Variants in LAMC3 observed in about 807,000 individuals in gnomAD.
LAMC3 encodes the protein laminin subunit gamma-3.
LAMC3 carries 128 observed loss-of-function variants against 173.8 expected under a neutral mutation model. That is an observed-to-expected ratio of 0.74 (90% CI 0.64 to 0.85). LAMC3 has a LOEUF of 0.85. LAMC3 is among the 40% of genes least tolerant of loss of function. The pLI, the probability that LAMC3 is intolerant of heterozygous loss-of-function variation, is 0.00. For synonymous variants in LAMC3, 897 were observed against 909.1 expected (o/e 0.99, Z 0.24); for missense variants, 2,022 against 2,156.0 (o/e 0.94, Z 1.23).
At chr9:131,064,430 G>A (rs907586674) in intron 13 of LAMC3, among the ~76,000 whole-genome samples, 11 of 152,112 alleles carry the variant, frequency 7.2e-5, no homozygotes, top group African/African-American at 2.7e-4. Flanking sequence ...TTGGGAGGCT[G>A]AGGCGGGCAG....
chr9:131,031,831 G>T (rs1257608163), intron 2 of LAMC3, among the ~76,000 whole-genome samples: 1 of 152,188 alleles, frequency 6.6e-6, no homozygotes. Context: ...ACTGAATGCA[G>T]TTGCACTAAT....
At chr9:131,069,342 A>G (rs956784990) in intron 16 of LAMC3, among the ~76,000 whole-genome samples, 2 of 152,070 alleles carry the variant, frequency 1.3e-5, no homozygotes, top group African/African-American at 4.8e-5. Flanking sequence ...GTAGTCCCAG[A>G]CGCGCTGTTA....
At chr9:131,090,132 C>T (rs1830398349) in intron 27 of LAMC3, among the ~76,000 whole-genome samples, 1 of 152,166 alleles carries the variant, frequency 6.6e-6, no homozygotes, top group Non-Finnish European at 1.5e-5. Context: ...CAGGGTCCCA[C>T]AGCCAGTCGG....
chr9:131,058,894 G>GAA lies in LAMC3; in HGVS notation c.2158+1752_2158+1753dup, dbSNP rs748695258. 9.8e-3 allele frequency among the ~76,000 whole-genome samples: 1,169 copies of GAA among 119,336 alleles called. 40 individuals are homozygous for GAA. The highest frequency in any genetic ancestry group is 0.035 in the African/African-American group (1,097 of 31,742). 78.3% of individuals were successfully genotyped at this position (119,336 alleles called of 152,430 possible). A position where few individuals can be genotyped will look rare whatever the true frequency, so the allele number is the denominator to read the frequency against. ...GGGTGACAAGAGCAAGACTCCAGAG[G>GAA]AAAAAAGAAAAAAAAAAAGAAGAGG... is the stretch of plus-strand genomic sequence containing the variant. On this transcript the variant is annotated intron_variant, in intron 12 of 27. Transcript: ENST00000361069.
In LAMC3 at chr9:131,074,721, C is replaced by T. The variant is rs368216613; in HGVS notation, c.3495-1110C>T. ...AAAGAAAAAAAAAAAAAAAAAGACG[C>T]AGCTTAAGATCCTAAAAACACAGGA... is the stretch of plus-strand genomic sequence containing the variant. On this transcript the variant is annotated intron_variant, in intron 20 of 27. Transcript: ENST00000361069. Among the ~76,000 whole-genome samples, 306 of 149,686 alleles carry T rather than the reference C, an allele frequency of 2.0e-3. 1 individual carries two copies. The highest frequency in any genetic ancestry group is 7.2e-3 in the African/African-American group (293 of 40,738).
chr9:131,082,172 C>T lies in LAMC3; in HGVS notation c.4030+11C>T, dbSNP rs959922358. 1.3e-6 allele frequency: 2 copies of T among 1,593,188 alleles called. No homozygotes were observed. The highest frequency in any genetic ancestry group is 2.2e-5 in the South Asian group (2 of 90,122). On this transcript the variant is annotated intron_variant, in intron 24 of 27. Coordinates refer to ENST00000361069, the MANE Select transcript of LAMC3 (RefSeq NM_006059.4). ...TGGCTGATCTGGAAGGTACGTGAGT[C>T]CAGCTGACCACTAGGCTGTGTAATG... is the stretch of plus-strand genomic sequence containing the variant.
chr9:131,009,751 T>C lies in LAMC3; in HGVS notation c.373+164T>C, dbSNP rs1487119618. ...TAGGAATTAGGCTGGGTGCGGTGGCTCACTCCTGAAATCCCAGCACTTTGG... is the reference window on the plus strand; with the variant it reads ...TAGGAATTAGGCTGGGTGCGGTGGCCCACTCCTGAAATCCCAGCACTTTGG... On this transcript the variant is annotated intron_variant, in intron 1 of 27. Transcript: ENST00000361069. The surrounding 1 kb of genome is among the most constrained non-coding windows in gnomAD (Gnocchi z 4.3). Among the ~76,000 whole-genome samples, 1 of 152,058 alleles carries C rather than the reference T, an allele frequency of 6.6e-6. No homozygotes were observed. The highest frequency in any genetic ancestry group is 1.5e-5 in the Non-Finnish European group (1 of 67,990).
chr9:131,086,391 TTTTG>T (rs1210346557), intron 25 of LAMC3, among the ~76,000 whole-genome samples: 5 of 38,886 alleles, frequency 1.3e-4, no homozygotes, highest in African/African-American at 2.0e-4. Context: ...GGGTTTTTGG[TTTTG>T]TTTTTTTTTT....
At chr9:131,090,207 G>C (rs1194156948) in intron 27 of LAMC3, among the ~76,000 whole-genome samples, 1 of 152,150 alleles carries the variant, frequency 6.6e-6, no homozygotes, top group Non-Finnish European at 1.5e-5. Context: ...GCCACTAGTC[G>C]ACACCTAAGG....
At chr9:131,027,464 C>T (rs1002094650) in intron 2 of LAMC3, among the ~76,000 whole-genome samples, 2 of 152,186 alleles carry the variant, frequency 1.3e-5, no homozygotes, top group Non-Finnish European at 2.9e-5. Context: ...CTGGGTCCCA[C>T]GCTGTAAGTC....
intron 11 of LAMC3, among the ~76,000 whole-genome samples, chr9:131,056,542 C>A (rs1834409025): frequency 6.7e-6 from 1 of 149,036 alleles, no homozygotes. Flanking sequence ...CACATGCAAT[C>A]CCAGCACTTT....
intron 13 of LAMC3, among the ~76,000 whole-genome samples, chr9:131,062,178 C>T (rs1349692791): frequency 3.3e-5 from 5 of 151,928 alleles, no homozygotes; most frequent in Admixed American, 6.6e-5. Context: ...CTGGCTAACA[C>T]GGTGAAACCC....
intron 1 of LAMC3, among the ~76,000 whole-genome samples, chr9:131,016,173 C>T (rs1008926337): frequency 3.3e-5 from 5 of 152,032 alleles, no homozygotes; most frequent in Admixed American, 2.6e-4. Context: ...TGTAGGGTTC[C>T]GCTGATATGA....
chr9:131,054,068 C>G (rs555593347), intron 11 of LAMC3, among the ~76,000 whole-genome samples: 3 of 152,090 alleles, frequency 2.0e-5, no homozygotes, highest in African/African-American at 7.2e-5. Flanking sequence ...AAGCTGAGCT[C>G]TAGGCTCAGA....
At position 131,029,562 on chromosome 9, in the gene LAMC3, G is replaced by A. The variant is rs904696538; in HGVS notation, c.679-2483G>A. Among the ~76,000 whole-genome samples the A allele has an allele frequency of 6.6e-6, 1 of 152,242 alleles. No individual in the cohort carries two copies. The highest frequency in any genetic ancestry group is 1.5e-5 in the Non-Finnish European group (1 of 68,046). ...CTTCTGGACAGAAACCAAGAGCAGA[G>A]CAGGACAAAGAGAGGCAAGTCTACC... On this transcript the variant is annotated intron_variant, in intron 2 of 27. Coordinates refer to ENST00000361069, the MANE Select transcript of LAMC3 (RefSeq NM_006059.4). This position sits in a 1 kb window ranked among gnomAD's most constrained non-coding sequence, Gnocchi z 4.6.
chr9:131,046,050 C>T (rs1834148610), intron 8 of LAMC3, among the ~76,000 whole-genome samples: 1 of 152,246 alleles, frequency 6.6e-6, no homozygotes, highest in Non-Finnish European at 1.5e-5. Flanking sequence ...CTGTGCTGAG[C>T]ACCTAACATG....
intron 20 of LAMC3, among the ~76,000 whole-genome samples, chr9:131,075,257 G>A (rs1228350619): frequency 1.3e-5 from 2 of 151,644 alleles, no homozygotes; most frequent in African/African-American, 4.9e-5. Context: ...AACGGTGTAA[G>A]ACTCCATCTC....
At position 131,049,280 on chromosome 9, in the gene LAMC3, C is replaced by T. The variant is rs1834237862; in HGVS notation, c.1630+150C>T. 4.4e-6 allele frequency: 3 copies of T among 683,248 alleles called. No homozygotes were observed. In the East Asian group the frequency reaches 8.2e-5, roughly 19 times the overall value. 42.3% of individuals were successfully genotyped at this position (683,248 alleles called of 1,614,324 possible). On this transcript the variant is annotated intron_variant, in intron 9 of 27. Coordinates refer to ENST00000361069, the MANE Select transcript of LAMC3 (RefSeq NM_006059.4). Reference sequence around the variant, plus strand: ...GAAATAGGTCTCTCGGAGCTAACATCAAGGTGTCAGCAGGGCTGAGTTCCT... The same window carrying T: ...GAAATAGGTCTCTCGGAGCTAACATTAAGGTGTCAGCAGGGCTGAGTTCCT...
chr9:131,087,565 G>C lies in LAMC3; in HGVS notation c.4320G>C (p.Ala1440=). 1.9e-6 allele frequency: 3 copies of C among 1,613,946 alleles called. No homozygotes were observed. The highest frequency in any genetic ancestry group is 2.5e-6 in the Non-Finnish European group (3 of 1,180,038). Residue 1440 remains alanine, a synonymous_variant, in exon 26 of 28, where the codon GCG becomes GCC. Transcript: ENST00000361069. The part of the protein sequence containing the change: ...TSQTQATLQQ[A]SQQVLASEAR... ...AGACGCAAGCCACGCTCCAACAGGC[G>C]TCCCAGCAGGTGCTGGCGTCTGAAG...
Sources: allele counts gnomAD v4.1 joint callset (sites outside exome capture counted in the v4.1 genomes callset), GRCh38; gene constraint gnomAD v4.1.1; non-coding constraint Gnocchi (gnomAD v3.1); transcripts MANE v1.5; gene names NCBI Gene and HGNC (gene_info 2026-07-23, HGNC 2026-07-21).